The following EVI5 variants were observed in gnomAD, a reference collection of about 807,000 sequenced individuals.
EVI5 encodes ecotropic viral integration site 5.
A neutral mutation model predicts 112.0 loss-of-function variants in EVI5; 73 were observed. The observed-to-expected ratio is 0.65, with a 90% confidence interval of 0.54 to 0.79. EVI5 has a LOEUF of 0.79. Among genes scored for constraint, EVI5 ranks in the 30% least tolerant of loss-of-function variants. EVI5 has a pLI of 0.00. For missense variants in EVI5, 900 were observed against 968.8 expected (o/e 0.93, Z 0.94); for synonymous variants, 305 against 319.9 (o/e 0.95, Z 0.50).
At chr1:92,646,528 G>A (rs1243883448) in intron 13 of EVI5, among the ~76,000 whole-genome samples, 2 of 152,170 alleles carry the variant, frequency 1.3e-5, no homozygotes, top group Admixed American at 1.3e-4. Context: ...TAGCCTCACA[G>A]TGCACGCTCT....
intron 16 of EVI5, among the ~76,000 whole-genome samples, chr1:92,613,206 T>TACA: frequency 6.6e-6 from 1 of 152,306 alleles, no homozygotes; most frequent in Non-Finnish European, 1.5e-5. Context: ...TGCCTAGTAC[T>TACA]ACATCTGGGG....
intron 18 of EVI5, among the ~76,000 whole-genome samples, chr1:92,590,507 G>C (rs1673638625): frequency 6.6e-6 from 1 of 152,198 alleles, no homozygotes; most frequent in Non-Finnish European, 1.5e-5. Flanking sequence ...GTGGAAGAAA[G>C]GGTATCAGCG....
At chr1:92,629,112 C>A (rs1286545155) in intron 14 of EVI5, among the ~76,000 whole-genome samples, 1 of 152,166 alleles carries the variant, frequency 6.6e-6, no homozygotes, top group Non-Finnish European at 1.5e-5. Flanking sequence ...AATCATGTAA[C>A]CCAGAATACG....
chr1:92,543,681 G>A (rs139921378), intron 19 of EVI5, among the ~76,000 whole-genome samples: 30 of 152,266 alleles, frequency 2.0e-4, no homozygotes, highest in Middle Eastern at 3.4e-3. Flanking sequence ...CTATATGAGT[G>A]CAATTTGTGG....
At position 92,748,127 on chromosome 1, in the gene EVI5, G is replaced by C. The variant is rs74736111; in HGVS notation, c.-81-11500C>G. ...TTCCTATCTCACATCTTCCCATAGA[G>C]TGGTGAAGTCCACATCCCCTCCCCT... On this transcript the variant is annotated intron_variant, in intron 1 of 19. Coordinates refer to ENST00000684568, the MANE Select transcript of EVI5 (RefSeq NM_001350197.2). Among the ~76,000 whole-genome samples, 63 of 152,250 alleles carry C rather than the reference G, an allele frequency of 4.1e-4. 1 individual carries two copies. In the East Asian group the frequency reaches 5.4e-3, roughly 13 times the overall value.
At chr1:92,544,809 G>A (rs976474944) in intron 19 of EVI5, among the ~76,000 whole-genome samples, 3 of 152,170 alleles carry the variant, frequency 2.0e-5, no homozygotes, top group Non-Finnish European at 2.9e-5. Context: ...CTCCTGAGGT[G>A]CTCACAGGCT....
chr1:92,722,946 G>A (rs1674991132), intron 2 of EVI5, among the ~76,000 whole-genome samples: 1 of 152,078 alleles, frequency 6.6e-6, no homozygotes, highest in Admixed American at 6.6e-5. Context: ...CCTTTAAAAG[G>A]GCTTCCTAAG....
chr1:92,663,326 T>C, intron 12 of EVI5, 94 bp downstream of exon 12: 1 of 539,588 alleles, frequency 1.9e-6, no homozygotes, highest in Non-Finnish European at 3.1e-6. Flanking sequence ...GCATGTAAAA[T>C]TGCATGCATT....
In EVI5 at chr1:92,736,680, C is replaced by T. The variant is rs184691054; in HGVS notation, c.-81-53G>A. ...ACTTTAGTTACACTGTATTCATTAC[C>T]GAGAACTTAATAATTCTGTTAGGAT... On this transcript the variant is annotated intron_variant, in intron 1 of 19. Transcript: ENST00000684568. 470 of 1,112,220 alleles carry T rather than the reference C, an allele frequency of 4.2e-4. No individual in the cohort carries two copies. The African/African-American group carries it at 6.4e-3, about 15-fold the overall frequency. 68.9% of individuals were successfully genotyped at this position (1,112,220 alleles called of 1,614,324 possible).
At chr1:92,787,581 CA>C (rs1350329506), upstream of EVI5, among the ~76,000 whole-genome samples, 1 of 150,420 alleles carries the variant, frequency 6.6e-6, no homozygotes, top group African/African-American at 2.4e-5. Context: ...AAAAAAAATA[CA>C]AAAAAAAATT....
chr1:92,628,679 C>T (rs771134791), intron 14 of EVI5, among the ~76,000 whole-genome samples: 8 of 152,046 alleles, frequency 5.3e-5, no homozygotes, highest in Admixed American at 2.0e-4. Context: ...AAAATGAGGC[C>T]GTAGGGAAAG....
At chr1:92,660,833 G>A (rs1297614674) in intron 13 of EVI5, among the ~76,000 whole-genome samples, 1 of 151,940 alleles carries the variant, frequency 6.6e-6, no homozygotes, top group Non-Finnish European at 1.5e-5. Context: ...TAAAGGGAAT[G>A]ATAGAAATAT....
intron 14 of EVI5, among the ~76,000 whole-genome samples, chr1:92,629,735 A>G (rs1656500103): frequency 6.6e-6 from 1 of 151,950 alleles, no homozygotes; most frequent in Admixed American, 6.6e-5. Context: ...TTAAATATAC[A>G]TACATGTGCC....
chr1:92,632,184 T>C (rs931889386), intron 14 of EVI5, among the ~76,000 whole-genome samples: 2 of 152,232 alleles, frequency 1.3e-5, no homozygotes, highest in African/African-American at 2.4e-5. Flanking sequence ...ATCAGGATGA[T>C]GCTGGCCTCA....
intron 18 of EVI5, among the ~76,000 whole-genome samples, chr1:92,588,035 T>C (rs904850225): frequency 9.8e-5 from 15 of 152,318 alleles, no homozygotes; most frequent in African/African-American, 3.6e-4. Flanking sequence ...AATTTAGAGA[T>C]AGCTCCATTT....
intron 16 of EVI5, among the ~76,000 whole-genome samples, chr1:92,608,938 T>C (rs1325588563): frequency 2.6e-5 from 4 of 152,228 alleles, no homozygotes; most frequent in Non-Finnish European, 5.9e-5. Context: ...TAAAATAGTT[T>C]CTATTTCTCA....
chr1:92,736,271 G>T (rs1677413514), intron 2 of EVI5, 127 bp downstream of exon 2: 1 of 628,944 alleles, frequency 1.6e-6, no homozygotes, highest in Non-Finnish European at 2.8e-6. Context: ...CAAAAAAGAT[G>T]AACACTTCTG....
At chr1:92,756,220 T>A (rs746898729) in intron 1 of EVI5, 24 of 418,966 alleles carry the variant, frequency 5.7e-5, no homozygotes, top group Non-Finnish European at 9.6e-5. Context: ...AACCTATCAG[T>A]GGAATGGACC....
At chr1:92,698,633 A>C in intron 5 of EVI5, among the ~76,000 whole-genome samples, 1 of 152,194 alleles carries the variant, frequency 6.6e-6, no homozygotes, top group East Asian at 1.9e-4. Flanking sequence ...ACTATGAGTG[A>C]AGGTTACATC....
Sources: allele counts gnomAD v4.1 joint callset (sites outside exome capture counted in the v4.1 genomes callset), GRCh38; gene constraint gnomAD v4.1.1; transcripts MANE v1.5; gene names NCBI Gene and HGNC (gene_info 2026-07-23, HGNC 2026-07-21).